The following SBF2 variants were observed in gnomAD, a reference collection of about 807,000 sequenced individuals.
The protein encoded by SBF2 is SET binding factor 2, also known as myotubularin-related protein 13.
SBF2 carries 112 observed loss-of-function variants against 225.2 expected under a neutral mutation model. The observed-to-expected ratio is 0.50, with a 90% confidence interval of 0.43 to 0.58. The LOEUF is 0.58. Among genes scored for constraint, SBF2 ranks in the 20% least tolerant of loss-of-function variants. The pLI, the probability that SBF2 is intolerant of heterozygous loss-of-function variation, is 0.00. For synonymous variants in SBF2, 763 were observed against 773.3 expected, an observed-to-expected ratio of 0.99 and a Z score of 0.22; for missense variants, 1,996 against 2,206.2, an observed-to-expected ratio of 0.90 and a Z score of 1.91.
intron 1 of SBF2, among the ~76,000 whole-genome samples, chr11:10,234,765 A>G (rs1183668474): frequency 1.3e-5 from 2 of 152,228 alleles, no homozygotes; most frequent in East Asian, 1.9e-4. Flanking sequence ...ATAATCCTCC[A>G]TCTCTATGAT....
At chr11:10,143,110 T>C (rs1954722984) in intron 2 of SBF2, among the ~76,000 whole-genome samples, 1 of 152,174 alleles carries the variant, frequency 6.6e-6, no homozygotes, top group African/African-American at 2.4e-5. Context: ...TATAAAATAT[T>C]GATACGGTGG....
Position 10,252,984 on chromosome 11 carries a change from G to T in SBF2, c.55+41031C>A, listed in dbSNP as rs191588879. On this transcript the variant is annotated intron_variant, in intron 1 of 39. Transcript: ENST00000256190. ...ACTGGAGTCTCTGTGAATCTGCTGT[G>T]ATTCTGGGATCTGCCCAGTTAGCAA... 3.3e-5 allele frequency among the ~76,000 whole-genome samples: 5 copies of T among 152,112 alleles called. No individual in the cohort carries two copies. In the East Asian group the frequency reaches 5.8e-4, roughly 18 times the overall value.
intron 32 of SBF2, among the ~76,000 whole-genome samples, chr11:9,805,170 T>C (rs1387919439): frequency 6.7e-6 from 1 of 150,132 alleles, no homozygotes; most frequent in Admixed American, 6.7e-5. Context: ...TGCGTGAGCC[T>C]GGGAGGCGGA....
intron 16 of SBF2, chr11:9,961,206 A>G (rs1866546549): frequency 6.6e-6 from 1 of 152,174 alleles, no homozygotes; most frequent in Non-Finnish European, 1.5e-5. Context: ...TCTTTCATAA[A>G]TTTGATTAAT....
At chr11:9,781,729 C>A (rs1382687746) in intron 38 of SBF2, 91 bp from the exon 39 acceptor site, 5 of 1,456,506 alleles carry the variant, frequency 3.4e-6, no homozygotes, top group Non-Finnish European at 4.8e-6. Flanking sequence ...TTCCTCTGTA[C>A]CTTGGTTATA....
intron 1 of SBF2, among the ~76,000 whole-genome samples, chr11:10,222,247 T>C (rs1157133545): frequency 6.6e-6 from 1 of 152,114 alleles, no homozygotes; most frequent in Non-Finnish European, 1.5e-5. Flanking sequence ...CTAAAATTCC[T>C]TGACTAACAA....
intron 2 of SBF2, among the ~76,000 whole-genome samples, chr11:10,129,195 C>T (rs1953908361): frequency 2.0e-5 from 3 of 151,322 alleles, no homozygotes; most frequent in African/African-American, 7.3e-5. Flanking sequence ...CCTCGACCTC[C>T]CCAGTTCAAG....
At chr11:10,180,698 T>C (rs957203650) in intron 2 of SBF2, among the ~76,000 whole-genome samples, 1 of 152,160 alleles carries the variant, frequency 6.6e-6, no homozygotes, top group African/African-American at 2.4e-5. Flanking sequence ...TTAAGGCCAA[T>C]AACTCTTAGA....
chr11:9,891,867 T>G (rs1259539215), intron 17 of SBF2, among the ~76,000 whole-genome samples: 1 of 152,222 alleles, frequency 6.6e-6, no homozygotes, highest in Non-Finnish European at 1.5e-5. Context: ...TTGAACACTC[T>G]GACACTAAAT....
At chr11:9,893,522 T>C (rs1323746609) in intron 17 of SBF2, among the ~76,000 whole-genome samples, 4 of 152,246 alleles carry the variant, frequency 2.6e-5, no homozygotes, top group Admixed American at 2.6e-4. Context: ...GTGTACTTTC[T>C]CCTTCTTGCT....
In SBF2 at chr11:10,056,723, T is replaced by G. The variant is rs573784673; in HGVS notation, c.142-13742A>C. Reference sequence around the variant, plus strand: ...TGAGCAGGACCTCCCAACCAGGGCCTCCAGCCACCCTCGCCTGAGGTTTCC... The same window carrying G: ...TGAGCAGGACCTCCCAACCAGGGCCGCCAGCCACCCTCGCCTGAGGTTTCC... On this transcript the variant is annotated intron_variant, in intron 2 of 39. Coordinates refer to ENST00000256190, the MANE Select transcript of SBF2 (RefSeq NM_030962.4). Among the ~76,000 whole-genome samples, 154 of 152,322 alleles carry G rather than the reference T, an allele frequency of 1.0e-3. 2 individuals carry two copies. The highest frequency in any genetic ancestry group is 3.4e-3 in the African/African-American group (142 of 41,574).
chr11:9,950,633 T>G (rs562230705), intron 16 of SBF2, among the ~76,000 whole-genome samples: 56 of 152,286 alleles, frequency 3.7e-4, no homozygotes, highest in Non-Finnish European at 6.6e-4. Flanking sequence ...TATGTAAACT[T>G]TAAGTTTACT....
intron 13 of SBF2, among the ~76,000 whole-genome samples, chr11:9,972,547 C>T (rs2134401498): frequency 6.6e-6 from 1 of 152,302 alleles, no homozygotes; most frequent in Non-Finnish European, 1.5e-5. Context: ...GTGGCGCGAT[C>T]TCTGCTCGCT....
chr11:10,071,912 G>C (rs1950896269), intron 2 of SBF2, among the ~76,000 whole-genome samples: 1 of 152,092 alleles, frequency 6.6e-6, no homozygotes, highest in Non-Finnish European at 1.5e-5. Flanking sequence ...ATTTTATTGA[G>C]GATTTTCGCA....
At chr11:10,008,729 C>T (rs565466754) in intron 6 of SBF2, among the ~76,000 whole-genome samples, 42 of 152,350 alleles carry the variant, frequency 2.8e-4, no homozygotes, top group African/African-American at 9.4e-4. Flanking sequence ...GGCTGGAGGG[C>T]TCCTGGGAGA....
At chr11:9,993,777 C>A in intron 10 of SBF2, 144 bp downstream of exon 10, 4 of 797,132 alleles carry the variant, frequency 5.0e-6, no homozygotes, top group South Asian at 1.8e-5. Flanking sequence ...GGACAGTCAG[C>A]GGCAAGTATC....
intron 7 of SBF2, among the ~76,000 whole-genome samples, 194 bp downstream of exon 7, chr11:10,002,363 A>G (rs1473923539): frequency 6.6e-6 from 1 of 152,200 alleles, no homozygotes; most frequent in East Asian, 1.9e-4. Context: ...ACACTAATCA[A>G]CATTCAGTAA....
intron 1 of SBF2, among the ~76,000 whole-genome samples, chr11:10,253,118 CAAAAAAAAA>C (rs546522229): frequency 2.6e-5 from 2 of 77,262 alleles, no homozygotes; most frequent in South Asian, 5.2e-4. Flanking sequence ...AGGTAAATAC[CAAAAAAAAA>C]AAAAAAAAAA....
At chr11:10,234,314 T>C (rs1056907007) in intron 1 of SBF2, among the ~76,000 whole-genome samples, 13 of 152,204 alleles carry the variant, frequency 8.5e-5, no homozygotes, top group African/African-American at 3.1e-4. Flanking sequence ...CCAGTTTCAC[T>C]GAGCCAATAT....
Sources: allele counts gnomAD v4.1 joint callset (sites outside exome capture counted in the v4.1 genomes callset), GRCh38; gene constraint gnomAD v4.1.1; transcripts MANE v1.5; gene names NCBI Gene and HGNC (gene_info 2026-07-23, HGNC 2026-07-21).